Variants in ADGRF5 observed in about 807,000 individuals in gnomAD.
ADGRF5 encodes adhesion G protein-coupled receptor F5, also known as G-protein coupled receptor 116.
ADGRF5 carries 75 observed loss-of-function variants against 132.3 expected under a neutral mutation model. The observed-to-expected ratio is 0.57, with a 90% CI of 0.47 to 0.69. The LOEUF (loss-of-function observed/expected upper bound fraction) is 0.69, where lower values mean the gene tolerates loss of function less well. Ranked by LOEUF, ADGRF5 falls within the 30% of genes least tolerant of loss-of-function variation. The probability of loss-of-function intolerance (pLI) is 0.00; values close to 1 mark genes in which losing one functional copy is unlikely to be tolerated. For synonymous variants in ADGRF5, 629 were observed against 597.6 expected (o/e 1.05, Z -0.77); for missense variants, 1,516 against 1,630.6 (o/e 0.93, Z 1.21).
In ADGRF5 at chr6:46,854,788, A is replaced by G. The variant is rs900836200; in HGVS notation, c.3962-717T>C. The stretch of plus-strand genomic sequence containing the variant: ...GGGGGGATCTTAGGGGCTGCTGACA[A>G]CATAAACCAAAGTTACGGTGCTTAT... On this transcript the variant is annotated intron_variant, in intron 20 of 20. Transcript: ENST00000283296. 4 of 1,285,942 alleles carry G rather than the reference A, an allele frequency of 3.1e-6. No homozygotes were observed. The African/African-American group carries it at 6.1e-5, about 20-fold the overall frequency. The allele number at this position is 1,285,942 out of a possible 1,614,324, so 79.7% of individuals were successfully genotyped here. A position where few individuals can be genotyped will look rare whatever the true frequency, so the allele number is the denominator to read the frequency against.
At chr6:46,870,027 G>A (rs1770875790) in intron 11 of ADGRF5, among the ~76,000 whole-genome samples, 1 of 151,892 alleles carries the variant, frequency 6.6e-6, no homozygotes, top group Non-Finnish European at 1.5e-5. Flanking sequence ...ACTTCTCTTT[G>A]AGTATATCTT....
Position 46,862,926 on chromosome 6 carries a change from T to G in ADGRF5, c.2161A>C (p.Ile721Leu). The G allele has an allele frequency of 6.2e-7, 1 of 1,613,310 alleles. No homozygotes were observed. Among genetic ancestry groups the G allele is most frequent in the Non-Finnish European group, 8.5e-7 (1 of 1,179,670 alleles). The part of the protein sequence containing the change: ...SQWEEKRNDC[I>L]SAPINSLLQM... ...AGCAGACTGTTTATTGGGGCAGAGATGCAGTCATTTCTCTTCTCCTCCCAC... is the reference window on the plus strand; with the variant it reads ...AGCAGACTGTTTATTGGGGCAGAGAGGCAGTCATTTCTCTTCTCCTCCCAC... The change falls in exon 15 of 21, where the codon ATC (isoleucine) becomes CTC (leucine). Residue 721 changes from isoleucine to leucine, a missense_variant. Ile to Leu is a conservative substitution (Grantham distance 5, BLOSUM62 2). This residue lies in a region of ADGRF5 where 945 missense variants were observed against 929.4 expected (regional missense o/e 1.02). Coordinates refer to ENST00000283296, the MANE Select transcript of ADGRF5 (RefSeq NM_001098518.2).
chr6:46,889,416 TA>T (rs1773405345), intron 3 of ADGRF5, among the ~76,000 whole-genome samples: 2 of 147,194 alleles, frequency 1.4e-5, no homozygotes, highest in South Asian at 4.2e-4. Flanking sequence ...ATATACTACA[TA>T]AAGTATAAAG....
chr6:46,951,672 T>TGGCTGCTTTCCTAAAGCAGG (rs1778504451), intron 1 of ADGRF5, among the ~76,000 whole-genome samples: 1 of 152,222 alleles, frequency 6.6e-6, no homozygotes, highest in African/African-American at 2.4e-5. Context: ...CCTCTTTTCC[T>TGGCTGCTTTCCTAAAGCAGG]GGCTGCTTTC....
intron 12 of ADGRF5, among the ~76,000 whole-genome samples, chr6:46,867,379 T>C (rs932407882): frequency 6.6e-6 from 1 of 152,232 alleles, no homozygotes; most frequent in Non-Finnish European, 1.5e-5. Flanking sequence ...ATTAAGTGGC[T>C]TATTCAAGGC....
At position 46,909,261 on chromosome 6, in the gene ADGRF5, G is replaced by A. The variant is rs548735435; in HGVS notation, c.-24-2475C>T. 1.0e-3 allele frequency among the ~76,000 whole-genome samples: 157 copies of A among 152,188 alleles called. 1 individual carries two copies. The highest frequency in any genetic ancestry group is 3.5e-3 in the African/African-American group (147 of 41,528). ...TTCTTCTAAAATTCCTGGAGTAAAC[G>A]GCAGACAAAGACTGAGAGACAAAGA... On this transcript the variant is annotated intron_variant, in intron 1 of 20. Transcript: ENST00000283296.
intron 3 of ADGRF5, among the ~76,000 whole-genome samples, chr6:46,896,639 AAAGT>A (rs1469304825): frequency 6.9e-6 from 1 of 144,940 alleles, no homozygotes; most frequent in Non-Finnish European, 1.5e-5. Flanking sequence ...ACAACCCTAT[AAAGT>A]AATATGTGTG....
At chr6:46,892,813 T>G (rs1255555783) in intron 3 of ADGRF5, among the ~76,000 whole-genome samples, 1 of 152,132 alleles carries the variant, frequency 6.6e-6, no homozygotes, top group Non-Finnish European at 1.5e-5. Context: ...TCATTGACAC[T>G]CATGTATTTT....
rs1048438343 is a variant in ADGRF5 at position 46,881,541 on chromosome 6, A to T, written c.728T>A (p.Leu243Ter). The change falls in exon 8 of 21, where the codon TTA (leucine) becomes TAA (stop). Residue 243 changes from leucine to a stop codon, truncating the protein, a stop_gained. Transcript: ENST00000283296. LOFTEE classifies it high-confidence loss of function. ...AACTTGTTCATTGGCTTTATGTATT[A>T]ACTCAAGTGATGGTGGTGTAGTCTT... ...EVKTTPPSLELIHKANEQVVQ... is the reference protein window; with the variant it reads ...EVKTTPPSLE The T allele has an allele frequency of 1.8e-5, 29 of 1,613,468 alleles. No homozygotes were observed. The highest frequency in any genetic ancestry group is 2.5e-5 in the Non-Finnish European group (29 of 1,179,500).
At chr6:46,906,980 G>C (rs924947969) in intron 1 of ADGRF5, among the ~76,000 whole-genome samples, 194 bp from the exon 2 acceptor site, 1 of 152,236 alleles carries the variant, frequency 6.6e-6, no homozygotes, top group Non-Finnish European at 1.5e-5. Flanking sequence ...GGTCACAGTA[G>C]GGGAATGCGG....
intron 12 of ADGRF5, 138 bp from the exon 13 acceptor site, chr6:46,867,275 G>A: frequency 1.7e-6 from 1 of 596,242 alleles, no homozygotes; most frequent in Admixed American, 2.9e-5. Context: ...GGACACTGGA[G>A]GAAAAAATGC....
intron 1 of ADGRF5, among the ~76,000 whole-genome samples, chr6:46,943,268 G>T (rs1778167574): frequency 6.6e-6 from 1 of 152,180 alleles, no homozygotes; most frequent in African/African-American, 2.4e-5. Flanking sequence ...GAGCAGCTGA[G>T]GTTCGATCTA....
At chr6:46,902,664 T>C (rs977298831) in intron 2 of ADGRF5, among the ~76,000 whole-genome samples, 1 of 152,178 alleles carries the variant, frequency 6.6e-6, no homozygotes, top group Non-Finnish European at 1.5e-5. Flanking sequence ...ATGGTGATCA[T>C]CTGGAACTTT....
At chr6:46,939,698 A>G (rs1484284692) in intron 1 of ADGRF5, among the ~76,000 whole-genome samples, 1 of 152,182 alleles carries the variant, frequency 6.6e-6, no homozygotes, top group African/African-American at 2.4e-5. Context: ...AGCTTCAACT[A>G]ATTAATTTTA....
chr6:46,919,483 G>T (rs1164446385), intron 1 of ADGRF5, among the ~76,000 whole-genome samples: 1 of 152,212 alleles, frequency 6.6e-6, no homozygotes, highest in Non-Finnish European at 1.5e-5. Context: ...GGAGGAGACA[G>T]ATTAGCCTCA....
chr6:46,885,402 G>A (rs1772964288), intron 4 of ADGRF5, among the ~76,000 whole-genome samples: 1 of 152,052 alleles, frequency 6.6e-6, no homozygotes, highest in Non-Finnish European at 1.5e-5. Context: ...CTTCTAATAA[G>A]AGAACTAAAC....
chr6:46,896,325 C>T (rs1218430083), intron 3 of ADGRF5, among the ~76,000 whole-genome samples: 4 of 152,092 alleles, frequency 2.6e-5, no homozygotes, highest in Non-Finnish European at 5.9e-5. Context: ...TAACAGGCAG[C>T]TCCATGCTTT....
At chr6:46,929,349 G>A (rs1162901540) in intron 1 of ADGRF5, among the ~76,000 whole-genome samples, 4 of 151,996 alleles carry the variant, frequency 2.6e-5, no homozygotes, top group Admixed American at 6.6e-5. Context: ...TTGTGGGGTC[G>A]GGGGAGAGGG....
intron 3 of ADGRF5, among the ~76,000 whole-genome samples, chr6:46,899,668 GTT>G (rs558395732): frequency 4.4e-5 from 3 of 67,910 alleles, no homozygotes; most frequent in Non-Finnish European, 9.8e-5. Flanking sequence ...TTTTTTTTTT[GTT>G]TGTTTTGTTT....
Sources: gnomAD v4.1 joint callset for allele counts (sites outside exome capture counted in the v4.1 genomes callset) on GRCh38, gnomAD v4.1.1 for gene constraint, gnomAD v4.1.1 regional missense constraint, MANE v1.5 for transcripts, NCBI Gene and HGNC (gene_info 2026-07-23, HGNC 2026-07-21) for gene names.